PDE1C: variants seen among roughly 807,000 people sequenced by gnomAD.
PDE1C encodes the protein dual specificity calcium/calmodulin-dependent 3',5'-cyclic nucleotide phosphodiesterase 1C.
In PDE1C, 62 loss-of-function variants were observed where a neutral mutation model predicts 93.1. The ratio of observed to expected loss-of-function variants is 0.67; its 90% confidence interval spans 0.54 to 0.82. The LOEUF (loss-of-function observed/expected upper bound fraction) is 0.82, where lower values mean the gene tolerates loss of function less well. Among genes scored for constraint, PDE1C ranks in the 40% least tolerant of loss-of-function variants. The pLI is 0.00. For synonymous variants in PDE1C, 325 were observed against 310.1 expected (o/e 1.05, Z -0.50); for missense variants, 742 against 884.6 (o/e 0.84, Z 2.04).
At chr7:32,347,097 T>C (rs368867651) in intron 1 of PDE1C, among the ~76,000 whole-genome samples, 5 of 152,170 alleles carry the variant, frequency 3.3e-5, no homozygotes, top group Admixed American at 2.0e-4. Flanking sequence ...CTCAATGAAG[T>C]TGTTTTAAAA....
At chr7:31,693,320 A>C in the PDE1C span, among the ~76,000 whole-genome samples, 1 of 152,242 alleles carries the variant, frequency 6.6e-6, no homozygotes, top group African/African-American at 2.4e-5. Context: ...CACAGCAGGC[A>C]GTACCCATTC....
chr7:31,935,706 A>T (rs1804955924), intron 2 of PDE1C, among the ~76,000 whole-genome samples: 1 of 152,130 alleles, frequency 6.6e-6, no homozygotes, highest in African/African-American at 2.4e-5. Flanking sequence ...CATAAATTAA[A>T]GTTAGGATGC....
At chr7:32,275,831 T>C (rs41519845) in intron 1 of PDE1C, among the ~76,000 whole-genome samples, 1 of 152,098 alleles carries the variant, frequency 6.6e-6, no homozygotes, top group African/African-American at 2.4e-5. Context: ...TCACTTGTTC[T>C]TCTGTTTAAC....
In PDE1C at chr7:31,904,703, T is replaced by C. The variant is rs145348238; in HGVS notation, c.129-23843A>G. ...ATCTTATTAAAACTCCCATCTCAAT[T>C]GCAAGTAAAATTAATATTTTAATTG... On this transcript the variant is annotated intron_variant, in intron 2 of 17. Coordinates refer to ENST00000396191, the MANE Select transcript of PDE1C (RefSeq NM_001191057.4). Among the ~76,000 whole-genome samples the C allele has an allele frequency of 6.3e-3, 955 of 152,210 alleles. 3 individuals carry two copies. The highest frequency in any genetic ancestry group is 0.01 in the Non-Finnish European group (709 of 67,988).
At chr7:31,781,356 A>G (rs1020964313) in intron 16 of PDE1C, among the ~76,000 whole-genome samples, 2 of 152,238 alleles carry the variant, frequency 1.3e-5, no homozygotes, top group Admixed American at 6.5e-5. Flanking sequence ...TAGTACAACC[A>G]GATCCCACAG....
intron 16 of PDE1C, among the ~76,000 whole-genome samples, chr7:31,798,545 A>G (rs1196845440): frequency 6.6e-6 from 1 of 151,808 alleles, no homozygotes; most frequent in Non-Finnish European, 1.5e-5. Context: ...AAACTAGAGT[A>G]GAAGTCTGAA....
intron 3 of PDE1C, among the ~76,000 whole-genome samples, chr7:32,163,206 G>A (rs1027900622): frequency 6.6e-6 from 1 of 152,152 alleles, no homozygotes; most frequent in African/African-American, 2.4e-5. Context: ...CTTCCTATGA[G>A]CTAATTGGGA....
At chr7:31,683,606 C>T in the PDE1C span, among the ~76,000 whole-genome samples, 1 of 152,020 alleles carries the variant, frequency 6.6e-6, no homozygotes, top group Non-Finnish European at 1.5e-5. Flanking sequence ...TGGAGACAAC[C>T]AACGAGATCC....
At chr7:31,878,253 G>A (rs1331608401) in intron 4 of PDE1C, among the ~76,000 whole-genome samples, 2 of 151,686 alleles carry the variant, frequency 1.3e-5, no homozygotes, top group Non-Finnish European at 2.9e-5. Flanking sequence ...AACCATGGGG[G>A]AAAAAAAACC....
chr7:32,010,967 G>A, intron 2 of PDE1C, among the ~76,000 whole-genome samples: 1 of 151,716 alleles, frequency 6.6e-6, no homozygotes, highest in East Asian at 1.9e-4. Flanking sequence ...TTTTTTAGGT[G>A]GACACAATTA....
chr7:31,837,234 T>G lies in PDE1C; in HGVS notation c.1149A>C (p.Ala383=). 6.2e-7 allele frequency: 1 copy of G among 1,613,846 alleles called. No homozygotes were observed. Among genetic ancestry groups the G allele is most frequent in the Non-Finnish European group, 8.5e-7 (1 of 1,179,814 alleles). Residue 383 remains alanine (A), a synonymous_variant, in exon 11 of 18, where the codon GCA becomes GCC. Coordinates refer to ENST00000396191, the MANE Select transcript of PDE1C (RefSeq NM_001191057.4). ...HTADISHPAK[A]WDLHHRWTMS... is the part of the protein sequence containing the mutation. ...TTGTCCAGCGATGATGGAGGTCCCATGCTTTTGCTGGATGGCTAATATCTG... is the reference window on the plus strand; with the variant it reads ...TTGTCCAGCGATGATGGAGGTCCCAGGCTTTTGCTGGATGGCTAATATCTG...
At position 32,318,583 on chromosome 7, in the gene PDE1C, C is replaced by A. The variant is rs553028948; in HGVS notation, c.311-109044G>T. Among the ~76,000 whole-genome samples the A allele has an allele frequency of 2.0e-5, 3 of 152,222 alleles. No individual in the cohort carries two copies. The South Asian group carries it at 6.2e-4, about 32-fold the overall frequency. ...GAAGAAGTGAAAGGGGACCTGCGAG[C>A]GGGGAGTTTTCTGAAAACTGCACAA... On this transcript the variant is annotated intron_variant, in intron 1 of 1. Coordinates refer to the PDE1C transcript ENST00000672256.
At chr7:32,195,677 C>T (rs1446194915) in intron 2 of PDE1C, among the ~76,000 whole-genome samples, 1 of 152,032 alleles carries the variant, frequency 6.6e-6, no homozygotes, top group Non-Finnish European at 1.5e-5. Flanking sequence ...CATAGTGAGA[C>T]CCTGTCTCAA....
chr7:31,906,595 T>A (rs1431340563), intron 2 of PDE1C, among the ~76,000 whole-genome samples: 1 of 152,194 alleles, frequency 6.6e-6, no homozygotes, highest in Non-Finnish European at 1.5e-5. Flanking sequence ...GCAGGTGTTA[T>A]ATAGGCTACA....
chr7:32,290,512 G>A (rs1178712253), intron 1 of PDE1C, among the ~76,000 whole-genome samples: 2 of 152,122 alleles, frequency 1.3e-5, no homozygotes, highest in East Asian at 3.9e-4. Context: ...CAACAAAGAA[G>A]GAATCGCTAT....
upstream of PDE1C, among the ~76,000 whole-genome samples, chr7:32,073,882 C>T (rs943975193): frequency 1.3e-5 from 2 of 152,200 alleles, no homozygotes; most frequent in Admixed American, 1.3e-4. Flanking sequence ...CAAAGCCACT[C>T]ACAACTTTGC....
chr7:32,158,939 A>G (rs1801743952), intron 3 of PDE1C, among the ~76,000 whole-genome samples: 1 of 152,174 alleles, frequency 6.6e-6, no homozygotes. Context: ...CACCTCAGTC[A>G]CAAATCAAAC....
intron 17 of PDE1C, among the ~76,000 whole-genome samples, chr7:31,764,983 T>C (rs1328250046): frequency 2.0e-5 from 3 of 152,228 alleles, no homozygotes; most frequent in Non-Finnish European, 4.4e-5. Context: ...TCTTGATATT[T>C]AGATTTTGCT....
At chr7:32,406,847 G>C (rs10236370) in intron 1 of PDE1C, among the ~76,000 whole-genome samples, 47,566 of 152,058 alleles carry the variant, frequency 0.31, 7,623 homozygotes, top group East Asian at 0.44. Context: ...TGGCCTCCCA[G>C]CCCTGGAAGA....
Sources: allele counts gnomAD v4.1 joint callset (sites outside exome capture counted in the v4.1 genomes callset), GRCh38; gene constraint gnomAD v4.1.1; transcripts MANE v1.5; gene names NCBI Gene and HGNC (gene_info 2026-07-23, HGNC 2026-07-21).